Variants in NKAIN2 observed in about 807,000 individuals in gnomAD.
The protein encoded by NKAIN2 is sodium/potassium transporting ATPase interacting 2, also known as sodium/potassium-transporting ATPase subunit beta-1-interacting protein 2.
In NKAIN2, 14 loss-of-function variants were observed where a neutral mutation model predicts 32.6. The observed-to-expected ratio is 0.43, with a 90% CI of 0.28 to 0.67. NKAIN2 has a LOEUF of 0.67. Ranked by LOEUF, NKAIN2 falls within the 30% of genes least tolerant of loss-of-function variation. NKAIN2 has a pLI of 0.17. For missense variants in NKAIN2, 198 were observed against 258.3 expected (o/e 0.77, Z 1.60); for synonymous variants, 80 against 87.2 (o/e 0.92, Z 0.46).
intron 4 of NKAIN2, among the ~76,000 whole-genome samples, chr6:124,773,387 G>A (rs1778849022): frequency 6.6e-6 from 1 of 152,058 alleles, no homozygotes; most frequent in Non-Finnish European, 1.5e-5. Flanking sequence ...TTCCTGCGGG[G>A]AAAGGAATGG....
chr6:123,924,999 A>G (rs1162870175), intron 1 of NKAIN2, among the ~76,000 whole-genome samples: 1 of 152,152 alleles, frequency 6.6e-6, no homozygotes, highest in East Asian at 1.9e-4. Context: ...AATTGAAAAA[A>G]TATAACTAAA....
chr6:123,839,019 A>G (rs920550519), intron 1 of NKAIN2, among the ~76,000 whole-genome samples: 1 of 152,178 alleles, frequency 6.6e-6, no homozygotes, highest in African/African-American at 2.4e-5. Context: ...CACCGTAGCT[A>G]TCCTGCCCTG....
intron 3 of NKAIN2, among the ~76,000 whole-genome samples, chr6:124,613,992 G>A (rs1782788700): frequency 6.6e-6 from 1 of 152,182 alleles, no homozygotes; most frequent in Non-Finnish European, 1.5e-5. Context: ...CCAGTAAAAT[G>A]ATCAGGTCAT....
intron 1 of NKAIN2, among the ~76,000 whole-genome samples, chr6:123,940,350 G>A (rs1395908414): frequency 6.7e-6 from 1 of 150,314 alleles, no homozygotes; most frequent in Non-Finnish European, 1.5e-5. Context: ...ATATATATGT[G>A]TATGTGTATG....
intron 3 of NKAIN2, among the ~76,000 whole-genome samples, chr6:124,525,674 A>G (rs1323239508): frequency 7.2e-6 from 1 of 139,788 alleles, no homozygotes; most frequent in Non-Finnish European, 1.5e-5. Context: ...ATGTAGAGTT[A>G]TAGAATGAAT....
chr6:124,572,987 G>A (rs191356493), intron 3 of NKAIN2, among the ~76,000 whole-genome samples: 24 of 152,058 alleles, frequency 1.6e-4, no homozygotes, highest in Admixed American at 4.6e-4. Context: ...TTACAGGCGC[G>A]TGACACCATG....
At chr6:124,378,526 A>G (rs1334817532) in intron 3 of NKAIN2, among the ~76,000 whole-genome samples, 1 of 152,124 alleles carries the variant, frequency 6.6e-6, no homozygotes, top group Non-Finnish European at 1.5e-5. Context: ...TTATTTCAGG[A>G]TGTTGCATTC....
chr6:124,102,878 A>G (rs1784956802), intron 1 of NKAIN2, among the ~76,000 whole-genome samples: 1 of 152,134 alleles, frequency 6.6e-6, no homozygotes, highest in Non-Finnish European at 1.5e-5. Flanking sequence ...TTTTTCTTCT[A>G]GGAGGCCTAA....
intron 5 of NKAIN2, among the ~76,000 whole-genome samples, chr6:124,793,590 A>G (rs1469007507): frequency 6.6e-6 from 1 of 151,098 alleles, no homozygotes; most frequent in Non-Finnish European, 1.5e-5. Flanking sequence ...CTGACATACC[A>G]TGTCTCCTAC....
At chr6:124,620,053 T>C (rs1325703933) in intron 3 of NKAIN2, among the ~76,000 whole-genome samples, 1 of 152,124 alleles carries the variant, frequency 6.6e-6, no homozygotes, top group Non-Finnish European at 1.5e-5. Context: ...CCTGGCTCAT[T>C]ATAGATGCCT....
intron 1 of NKAIN2, among the ~76,000 whole-genome samples, chr6:124,155,097 G>A (rs1164363415): frequency 6.6e-6 from 1 of 152,050 alleles, no homozygotes; most frequent in South Asian, 2.1e-4. Context: ...TAAGCCACTA[G>A]GATGGGCGAT....
intron 1 of NKAIN2, among the ~76,000 whole-genome samples, chr6:124,089,482 A>G (rs1784329916): frequency 6.6e-6 from 1 of 152,022 alleles, no homozygotes; most frequent in Non-Finnish European, 1.5e-5. Context: ...GAACCCTATG[A>G]TCTGCCATAT....
At chr6:124,674,644 T>C (rs928128636) in intron 4 of NKAIN2, among the ~76,000 whole-genome samples, 6 of 152,056 alleles carry the variant, frequency 3.9e-5, no homozygotes, top group African/African-American at 1.4e-4. Flanking sequence ...TTTCTTAATT[T>C]CTTTTTCAGA....
intron 3 of NKAIN2, among the ~76,000 whole-genome samples, chr6:124,484,719 G>A (rs887183474): frequency 2.6e-5 from 4 of 152,190 alleles, no homozygotes; most frequent in Non-Finnish European, 1.5e-5. Flanking sequence ...TCCAGGACAT[G>A]GTTTTTCATA....
rs146131467 is a variant in NKAIN2, at chr6:124,663,193, G to A, written c.474+4807G>A. On this transcript the variant is annotated intron_variant, in intron 4 of 6. Coordinates refer to ENST00000368417, the MANE Select transcript of NKAIN2 (RefSeq NM_001040214.3). ...TGTAATCCCAGCAGTTTGGGAGGCC[G>A]AGGCCACTGGATCACGAGGTCAGGA... Among the ~76,000 whole-genome samples the A allele has an allele frequency of 6.9e-4, 105 of 152,224 alleles. 1 individual carries two copies. The highest frequency in any genetic ancestry group is 2.1e-3 in the African/African-American group (87 of 41,550).
chr6:124,460,322 T>C (rs1583285914), intron 3 of NKAIN2, among the ~76,000 whole-genome samples: 1 of 151,964 alleles, frequency 6.6e-6, no homozygotes, highest in South Asian at 2.1e-4. Context: ...ATAAATTGAA[T>C]AATGAGGTGG....
intron 1 of NKAIN2, among the ~76,000 whole-genome samples, chr6:123,839,106 C>G (rs1774754033): frequency 6.6e-6 from 1 of 151,910 alleles, no homozygotes; most frequent in Non-Finnish European, 1.5e-5. Context: ...GAGAGGGACT[C>G]TGTGTGTCCT....
chr6:124,310,741 T>G (rs1405328145), intron 2 of NKAIN2, among the ~76,000 whole-genome samples: 2 of 152,148 alleles, frequency 1.3e-5, no homozygotes, highest in Non-Finnish European at 2.9e-5. Context: ...TGATCTTGAT[T>G]CTTAGATTGC....
intron 2 of NKAIN2, among the ~76,000 whole-genome samples, chr6:124,332,620 C>A (rs1465323263): frequency 6.6e-6 from 1 of 151,846 alleles, no homozygotes; most frequent in South Asian, 2.1e-4. Context: ...ATAACTACAC[C>A]CTTTATTAAA....
Sources: gnomAD v4.1 joint callset for allele counts (sites outside exome capture counted in the v4.1 genomes callset) on GRCh38, gnomAD v4.1.1 for gene constraint, MANE v1.5 for transcripts, NCBI Gene and HGNC (gene_info 2026-07-23, HGNC 2026-07-21) for gene names.